CACNA1G: variants seen among roughly 807,000 people sequenced by gnomAD.
The protein encoded by CACNA1G is voltage-dependent T-type calcium channel subunit alpha-1G.
Under a neutral mutation model 219.4 loss-of-function variants are expected in CACNA1G, and 67 were observed. The observed-to-expected ratio is 0.31, with a 90% confidence interval of 0.25 to 0.37. The LOEUF (loss-of-function observed/expected upper bound fraction) is 0.37. Ranked by LOEUF, CACNA1G falls within the 10% of genes least tolerant of loss-of-function variation. The pLI is 1.00. For missense variants in CACNA1G, 2,380 were observed against 3,231.4 expected (o/e 0.74, Z 6.39); for synonymous variants, 1,296 against 1,345.3 (o/e 0.96, Z 0.80).
intron 9 of CACNA1G, among the ~76,000 whole-genome samples, 188 bp from the exon 10 acceptor site, chr17:50,590,283 T>C (rs1230189858): frequency 1.3e-5 from 2 of 152,124 alleles, no homozygotes; most frequent in African/African-American, 4.8e-5. Context: ...CTGGGGCCCC[T>C]GCCCCTGGGT....
intron 9 of CACNA1G, among the ~76,000 whole-genome samples, chr17:50,583,455 T>G (rs2042359772): frequency 6.6e-6 from 1 of 152,218 alleles, no homozygotes; most frequent in South Asian, 2.1e-4. Context: ...GGTTGGGGGC[T>G]GAGCCAGAAA....
intron 14 of CACNA1G, among the ~76,000 whole-genome samples, chr17:50,595,909 C>A (rs1598419751): frequency 6.6e-6 from 1 of 152,202 alleles, no homozygotes; most frequent in East Asian, 1.9e-4. Context: ...TTTTTAATAA[C>A]TTCTTAAGGA....
chr17:50,592,258 A>T (rs1326106727), intron 13 of CACNA1G, among the ~76,000 whole-genome samples, 166 bp downstream of exon 13: 4 of 152,104 alleles, frequency 2.6e-5, no homozygotes, highest in Non-Finnish European at 4.4e-5. Flanking sequence ...GAGGCTCCAG[A>T]TCTCGTGCAG....
At position 50,596,776 on chromosome 17, in the gene CACNA1G, G is replaced by A. The variant is rs201745304; in HGVS notation, c.3111G>A (p.Pro1037=). Residue 1037 remains proline (P), a synonymous_variant, in exon 16 of 38, where the codon CCG becomes CCA. Transcript: ENST00000359106. This position sits in a 1 kb window ranked among gnomAD's most constrained non-coding sequence, Gnocchi z 4.8. ...EHPELRKSLL[P]PLIIHTAATP... The stretch of plus-strand genomic sequence containing the variant: ...CGGAGCTGCGGAAGAGCCTGCTGCC[G>A]CCTCTCATCATCCACACGGCCGCCA... 2,192 of 1,612,352 alleles carry A rather than the reference G, an allele frequency of 1.4e-3. 6 individuals carry two copies. Among genetic ancestry groups the A allele is most frequent in the Non-Finnish European group, 1.1e-3 (1,270 of 1,179,744 alleles).
At chr17:50,572,133 G>C (rs2039578755) in intron 5 of CACNA1G, 96 bp downstream of exon 5, 1 of 1,331,422 alleles carries the variant, frequency 7.5e-7, no homozygotes, top group African/African-American at 1.5e-5. Flanking sequence ...TGACATATCT[G>C]TTCTAACATC....
chr17:50,618,402 T>G lies in CACNA1G; in HGVS notation c.5427+59T>G, dbSNP rs544140687. The G allele has an allele frequency of 3.8e-6, 6 of 1,593,426 alleles. No homozygotes were observed. In the African/African-American group the frequency reaches 8.1e-5, roughly 21 times the overall value. ...GGCAGCCCCACTTCCTGAGCTAGGA[T>G]TCCTTGGGAAGATGAATTGGCCACA... On this transcript the variant is annotated intron_variant, in intron 32 of 37. Coordinates refer to ENST00000359106, the MANE Select transcript of CACNA1G (RefSeq NM_018896.5). The surrounding 1 kb of genome is among the most constrained non-coding windows in gnomAD (Gnocchi z 5.3).
intron 9 of CACNA1G, among the ~76,000 whole-genome samples, chr17:50,580,338 C>A (rs2041676116): frequency 6.6e-6 from 1 of 152,088 alleles, no homozygotes; most frequent in Admixed American, 6.5e-5. Context: ...TACTCAGGCT[C>A]CCTGAACCTC....
chr17:50,561,319 G>GC lies in CACNA1G; in HGVS notation c.-141_-140insC. The GC allele has an allele frequency of 9.7e-7, 1 of 1,028,636 alleles. No homozygotes were observed. The highest frequency in any genetic ancestry group is 1.4e-6 in the Non-Finnish European group (1 of 716,884). 63.7% of individuals were successfully genotyped at this position (1,028,636 alleles called of 1,614,324 possible). ...CGGGCAGGGGGAGCTGGGCTGAACT[G>GC]GCCCTCCCGGGGGCTCAGCTTGCGC... On this transcript the variant is annotated 5_prime_UTR_variant, in exon 1 of 38. An upstream open reading frame in the 5' UTR gains an earlier in-frame stop. Transcript: ENST00000359106.
At chr17:50,592,831 T>C (rs1015562663) in intron 13 of CACNA1G, among the ~76,000 whole-genome samples, 5 of 152,176 alleles carry the variant, frequency 3.3e-5, no homozygotes, top group Non-Finnish European at 5.9e-5. Flanking sequence ...CGCTCCAGGT[T>C]GGGTCTGGAG....
At chr17:50,569,629 A>G (rs2038901941) in intron 3 of CACNA1G, 77 bp from the exon 4 acceptor site, 1 of 989,482 alleles carries the variant, frequency 1.0e-6, no homozygotes, top group Non-Finnish European at 1.5e-6. Flanking sequence ...CCCCTAAAGC[A>G]GGATTCCTCA....
chr17:50,568,849 T>G, intron 1 of CACNA1G, 21 bp from the exon 2 acceptor site: 1 of 1,603,904 alleles, frequency 6.2e-7, no homozygotes, highest in East Asian at 2.2e-5. Context: ...CTTGGCCAGC[T>G]GTTTCCTTGA....
chr17:50,605,292 A>G (rs1433178872), intron 22 of CACNA1G, among the ~76,000 whole-genome samples: 1 of 152,174 alleles, frequency 6.6e-6, no homozygotes, highest in African/African-American at 2.4e-5. Context: ...GAGCTTTCCA[A>G]TCAGACAGAC....
At chr17:50,576,940 G>A (rs558542047) in intron 8 of CACNA1G, among the ~76,000 whole-genome samples, 8 of 152,348 alleles carry the variant, frequency 5.3e-5, no homozygotes, top group African/African-American at 7.2e-5. Context: ...TCCCAGTGTC[G>A]TGGGGGCAGT....
chr17:50,624,044 CAG>C lies in CACNA1G; in HGVS notation c.6199_6200del (p.Arg2067GlyfsTer72), dbSNP rs1425229391. 1.9e-6 allele frequency: 3 copies of C among 1,612,496 alleles called. No homozygotes were observed. Among genetic ancestry groups the C allele is most frequent in the Non-Finnish European group, 2.5e-6 (3 of 1,179,618 alleles). On this transcript the variant is annotated frameshift_variant, in exon 36 of 38. Transcript: ENST00000359106. LOFTEE classifies it high-confidence loss of function. ...GCACTGCCGAGGGGCCCCTGGGACA[CAG>C]GGGCTGGGGGCTCCCCAAAGCTCAG... ...GSTAEGPLGH[R>X]GWGLPKAQSG...
intron 7 of CACNA1G, 140 bp downstream of exon 7, chr17:50,573,253 G>A: frequency 1.6e-6 from 1 of 643,244 alleles, no homozygotes; most frequent in South Asian, 1.8e-5. Flanking sequence ...CCATCATATA[G>A]TAGGAGGGAC....
rs1281783881 is a variant in CACNA1G at position 50,617,940 on chromosome 17, G to C, written c.5226+11G>C. 1 of 1,613,570 alleles carries C rather than the reference G, an allele frequency of 6.2e-7. No individual in the cohort carries two copies. Among genetic ancestry groups the C allele is most frequent in the Non-Finnish European group, 8.5e-7 (1 of 1,179,798 alleles). On this transcript the variant is annotated intron_variant, in intron 30 of 37. Transcript: ENST00000359106. This position sits in a 1 kb window ranked among gnomAD's most constrained non-coding sequence, Gnocchi z 5.8. ...CAGGCCCTGCCCCAGGTAGCCGGGA[G>C]GTGGGGGGCCTCTGGGGAGGGGGAG...
intron 9 of CACNA1G, among the ~76,000 whole-genome samples, chr17:50,585,050 G>A (rs1003061901): frequency 1.3e-5 from 2 of 152,138 alleles, no homozygotes; most frequent in African/African-American, 4.8e-5. Flanking sequence ...GAAAGTCTTC[G>A]TCAGAAGGGC....
chr17:50,590,643 T>C, intron 10 of CACNA1G, 21 bp downstream of exon 10: 2 of 1,597,494 alleles, frequency 1.3e-6, no homozygotes, highest in Non-Finnish European at 1.7e-6. Flanking sequence ...CCCCCGGCAC[T>C]GACTCTCAGT....
chr17:50,626,458 C>A lies in CACNA1G; in HGVS notation c.6841C>A (p.Pro2281Thr). 6.2e-7 allele frequency: 1 copy of A among 1,602,254 alleles called. No individual in the cohort carries two copies. Among genetic ancestry groups the A allele is most frequent in the Non-Finnish European group, 8.5e-7 (1 of 1,175,316 alleles). Residue 2281 changes from proline to threonine, a missense_variant, in exon 38 of 38, where the codon CCC becomes ACC. Transcript: ENST00000359106. The surrounding 1 kb of genome is among the most constrained non-coding windows in gnomAD (Gnocchi z 4.3). ...CAGCTGCCTGGACAGCGGCTCCCAA[C>A]CCCACCTGGGCACAGACCCCTCTAA... is the stretch of plus-strand genomic sequence containing the variant. ...AVSCLDSGSQ[P>T]HLGTDPSNLG...
Sources: allele counts gnomAD v4.1 joint callset (sites outside exome capture counted in the v4.1 genomes callset), GRCh38; gene constraint gnomAD v4.1.1; non-coding constraint Gnocchi (gnomAD v3.1); transcripts MANE v1.5; gene names NCBI Gene and HGNC (gene_info 2026-07-23, HGNC 2026-07-21).